RAB10: variants seen among roughly 807,000 people sequenced by gnomAD.
RAB10 encodes ras-related protein Rab-10.
RAB10 carries 5 observed loss-of-function variants against 25.7 expected under a neutral mutation model. The observed-to-expected ratio is 0.19, with a 90% CI of 0.10 to 0.41. RAB10 has a LOEUF of 0.41. Ranked by LOEUF, RAB10 falls within the 10% of genes least tolerant of loss-of-function variation. RAB10 has a pLI of 1.00. For synonymous variants in RAB10, 89 were observed against 86.4 expected, an observed-to-expected ratio of 1.03 and a Z score of -0.16; for missense variants, 103 against 245.8, an observed-to-expected ratio of 0.42 and a Z score of 3.89.
At chr2:26,082,911 T>C (rs1666898998) in intron 1 of RAB10, among the ~76,000 whole-genome samples, 1 of 152,222 alleles carries the variant, frequency 6.6e-6, no homozygotes, top group Non-Finnish European at 1.5e-5. Context: ...TCAAATGGAC[T>C]TTATTCCAGG....
At chr2:26,094,412 C>G (rs532432515) in intron 1 of RAB10, among the ~76,000 whole-genome samples, 4 of 149,964 alleles carry the variant, frequency 2.7e-5, no homozygotes, top group African/African-American at 7.4e-5. Flanking sequence ...CCACCACACC[C>G]GGCTAATTTT....
intron 1 of RAB10, among the ~76,000 whole-genome samples, chr2:26,058,823 A>G (rs1233303608): frequency 6.6e-6 from 1 of 152,172 alleles, no homozygotes; most frequent in African/African-American, 2.4e-5. Flanking sequence ...CTATAATAAA[A>G]TAGCAACAGC....
intron 1 of RAB10, among the ~76,000 whole-genome samples, chr2:26,088,295 T>TA (rs1467117902): frequency 2.0e-5 from 3 of 152,200 alleles, no homozygotes; most frequent in South Asian, 2.1e-4. Context: ...TGGTGGCTGA[T>TA]ACTGTTTTTC....
At chr2:26,113,823 A>G (rs1382283705) in intron 3 of RAB10, among the ~76,000 whole-genome samples, 2 of 151,950 alleles carry the variant, frequency 1.3e-5, no homozygotes, top group Admixed American at 6.6e-5. Context: ...AATATTTTAT[A>G]TAGAAAATCC....
At chr2:26,048,192 A>G (rs1291376858) in intron 1 of RAB10, among the ~76,000 whole-genome samples, 1 of 152,118 alleles carries the variant, frequency 6.6e-6, no homozygotes, top group African/African-American at 2.4e-5. Flanking sequence ...AGGTTGTGTG[A>G]TCATAAATTT....
intron 1 of RAB10, among the ~76,000 whole-genome samples, chr2:26,094,888 A>G (rs987121487): frequency 6.6e-6 from 1 of 152,184 alleles, no homozygotes; most frequent in African/African-American, 2.4e-5. Context: ...ATGTTAAGTA[A>G]TTATTGCATT....
chr2:26,125,933 G>T (rs1667895027), intron 3 of RAB10, among the ~76,000 whole-genome samples: 2 of 152,084 alleles, frequency 1.3e-5, no homozygotes, highest in South Asian at 4.1e-4. Context: ...TCATGTCAAA[G>T]AAACCATTGC....
At chr2:26,096,889 T>G (rs1667229830) in intron 1 of RAB10, among the ~76,000 whole-genome samples, 1 of 152,246 alleles carries the variant, frequency 6.6e-6, no homozygotes, top group Admixed American at 6.5e-5. Context: ...CAGATGTATT[T>G]CTGTTATTGA....
chr2:26,060,839 A>G (rs1207731100), intron 1 of RAB10, among the ~76,000 whole-genome samples: 4 of 152,168 alleles, frequency 2.6e-5, no homozygotes, highest in Non-Finnish European at 5.9e-5. Flanking sequence ...AAACACAACA[A>G]TAAAAAATCT....
At chr2:26,039,289 G>A (rs1665833433) in intron 1 of RAB10, among the ~76,000 whole-genome samples, 1 of 151,636 alleles carries the variant, frequency 6.6e-6, no homozygotes, top group Non-Finnish European at 1.5e-5. Context: ...CCAAAATCCT[G>A]GGATTACAGG....
rs2149275160 is a variant in RAB10, at chr2:26,085,101, A to C, written c.128-13561A>C. Reference sequence around the variant, plus strand: ...CATCTCAACCCATTTCAGAAATCAAAATGAGTGGAGCTACAGCATGTGGCA... The same window carrying C: ...CATCTCAACCCATTTCAGAAATCAACATGAGTGGAGCTACAGCATGTGGCA... On this transcript the variant is annotated intron_variant, in intron 1 of 5. Transcript: ENST00000264710. Among the ~76,000 whole-genome samples the C allele has an allele frequency of 2.0e-5, 3 of 152,274 alleles. No homozygotes were observed. The South Asian group carries it at 6.2e-4, about 32-fold the overall frequency.
chr2:26,132,890 A>G (rs1408807319), intron 5 of RAB10, among the ~76,000 whole-genome samples: 1 of 151,808 alleles, frequency 6.6e-6, no homozygotes, highest in Non-Finnish European at 1.5e-5. Context: ...CCAGAGAGAG[A>G]GTATTTTCAG....
intron 1 of RAB10, among the ~76,000 whole-genome samples, chr2:26,081,222 C>G (rs988401979): frequency 6.6e-6 from 1 of 152,204 alleles, no homozygotes; most frequent in Non-Finnish European, 1.5e-5. Flanking sequence ...CATTAAACCT[C>G]TTTCAATAGT....
chr2:26,088,825 G>A (rs1050842322), intron 1 of RAB10, among the ~76,000 whole-genome samples: 10 of 151,838 alleles, frequency 6.6e-5, no homozygotes, highest in Non-Finnish European at 1.3e-4. Flanking sequence ...GGGTTTCACC[G>A]TGTTGGCAAG....
At chr2:26,068,476 C>T (rs4233708) in intron 1 of RAB10, among the ~76,000 whole-genome samples, 117,343 of 152,148 alleles carry the variant, frequency 0.77, 45,300 homozygotes, top group East Asian at 0.87. Flanking sequence ...TTACTGTATA[C>T]TATTTAATCT....
chr2:26,100,107 C>T (rs1667313165), intron 2 of RAB10, among the ~76,000 whole-genome samples: 1 of 152,090 alleles, frequency 6.6e-6, no homozygotes, highest in African/African-American at 2.4e-5. Context: ...TTGCCCAGGG[C>T]TAAAAATAGC....
intron 1 of RAB10, among the ~76,000 whole-genome samples, chr2:26,069,472 C>T (rs1474495719): frequency 6.6e-6 from 1 of 151,928 alleles, no homozygotes; most frequent in Non-Finnish European, 1.5e-5. Flanking sequence ...TTGAGACCAG[C>T]CTGGCCAATG....
intron 1 of RAB10, among the ~76,000 whole-genome samples, chr2:26,074,252 T>G (rs1666686789): frequency 6.6e-6 from 1 of 152,136 alleles, no homozygotes; most frequent in Non-Finnish European, 1.5e-5. Context: ...GAGAACTTTC[T>G]AGATTATAAA....
At chr2:26,089,887 T>C (rs1667067389) in intron 1 of RAB10, among the ~76,000 whole-genome samples, 1 of 152,182 alleles carries the variant, frequency 6.6e-6, no homozygotes, top group Non-Finnish European at 1.5e-5. Context: ...GGACAACTTT[T>C]TGTTTTTTTG....
Sources: allele counts gnomAD v4.1 joint callset (sites outside exome capture counted in the v4.1 genomes callset), GRCh38; gene constraint gnomAD v4.1.1; transcripts MANE v1.5; gene names NCBI Gene and HGNC (gene_info 2026-07-23, HGNC 2026-07-21).